Variants in SMARCC1 observed in about 807,000 individuals in gnomAD.
SMARCC1 encodes SWI/SNF related BAF chromatin remodeling complex subunit C1, also known as SWI/SNF complex subunit SMARCC1.
In SMARCC1, 43 loss-of-function variants were observed where a neutral mutation model predicts 147.4. The ratio of observed to expected loss-of-function variants is 0.29; its 90% CI spans 0.23 to 0.38. The LOEUF (loss-of-function observed/expected upper bound fraction) is 0.38. SMARCC1 is among the 10% of genes least tolerant of loss of function. The pLI is 1.00. For missense variants in SMARCC1, 1,119 were observed against 1,381.1 expected, an observed-to-expected ratio of 0.81 and a Z score of 3.01; for synonymous variants, 495 against 484.4, an observed-to-expected ratio of 1.02 and a Z score of -0.29.
intron 21 of SMARCC1, among the ~76,000 whole-genome samples, chr3:47,639,563 A>C (rs2033021734): frequency 2.0e-5 from 3 of 152,046 alleles, no homozygotes. Flanking sequence ...AATACAAAAA[A>C]ATTAGCCAGG....
At chr3:47,671,196 A>AAAAACAACAAC (rs753672169) in intron 18 of SMARCC1, among the ~76,000 whole-genome samples, 3 of 81,144 alleles carry the variant, frequency 3.7e-5, no homozygotes, top group African/African-American at 1.2e-4. Flanking sequence ...AAAAAAAAAA[A>AAAAACAACAAC]AACACACACA....
intron 9 of SMARCC1, among the ~76,000 whole-genome samples, chr3:47,708,083 C>CTTTTTTTCTTTTTTTTTTTTTT (rs1559650534): frequency 3.1e-5 from 2 of 64,272 alleles, no homozygotes; most frequent in African/African-American, 6.6e-5. Flanking sequence ...AATTTTTTTT[C>CTTTTTTTCTTTTTTTTTTTTTT]TTTTTTTTTT....
chr3:47,686,181 G>C lies in SMARCC1; in HGVS notation c.1264-11C>G. 1 of 1,607,354 alleles carries C rather than the reference G, an allele frequency of 6.2e-7. No homozygotes were observed. The highest frequency in any genetic ancestry group is 8.5e-7 in the Non-Finnish European group (1 of 1,175,478). On this transcript the variant is annotated splice_polypyrimidine_tract_variant and intron_variant, in intron 13 of 27. Coordinates refer to ENST00000254480, the MANE Select transcript of SMARCC1 (RefSeq NM_003074.4). ...AGGATCTTCATCTTCCTATAGAAAA[G>C]AAGACAAAGTTCAAAGAAAGAAAGA...
intron 21 of SMARCC1, among the ~76,000 whole-genome samples, chr3:47,652,186 G>A (rs1286326635): frequency 6.6e-6 from 1 of 152,050 alleles, no homozygotes; most frequent in Non-Finnish European, 1.5e-5. Flanking sequence ...ATGTTGACCA[G>A]GCTGGTCTCG....
At chr3:47,591,757 C>A (rs2032187131) in intron 26 of SMARCC1, among the ~76,000 whole-genome samples, 1 of 152,042 alleles carries the variant, frequency 6.6e-6, no homozygotes, top group African/African-American at 2.4e-5. Flanking sequence ...GTTGCCCAGG[C>A]TGGTCTTGAA....
At chr3:47,671,186 A>AAAAAAAAAAAAAAC (rs2033494333) in intron 18 of SMARCC1, among the ~76,000 whole-genome samples, 1 of 145,964 alleles carries the variant, frequency 6.9e-6, no homozygotes, top group African/African-American at 2.5e-5. Context: ...AAAAAAAAAA[A>AAAAAAAAAAAAAAC]AAAAAAAAAA....
At chr3:47,770,635 C>T (rs529217702) in intron 2 of SMARCC1, among the ~76,000 whole-genome samples, 1 of 151,998 alleles carries the variant, frequency 6.6e-6, no homozygotes. Flanking sequence ...AAAAAAAGAT[C>T]AGCCTAGGCA....
intron 12 of SMARCC1, among the ~76,000 whole-genome samples, chr3:47,692,781 G>A (rs376180677): frequency 1.1e-4 from 16 of 152,234 alleles, no homozygotes; most frequent in African/African-American, 3.9e-4. Flanking sequence ...CCAGCACTTT[G>A]GGAGGCCGAG....
intron 1 of SMARCC1, among the ~76,000 whole-genome samples, chr3:47,780,541 G>C (rs1020191494): frequency 1.3e-4 from 20 of 152,078 alleles, no homozygotes; most frequent in Admixed American, 2.6e-4. Context: ...AGGCTTCACT[G>C]AGCTGCTGAG....
chr3:47,770,114 G>A (rs1420687296), intron 2 of SMARCC1, among the ~76,000 whole-genome samples: 1 of 151,810 alleles, frequency 6.6e-6, no homozygotes, highest in Non-Finnish European at 1.5e-5. Context: ...TGTAGTCCCA[G>A]CTACTCGGGA....
chr3:47,596,566 C>CAA (rs576365725), intron 26 of SMARCC1, among the ~76,000 whole-genome samples: 22 of 122,760 alleles, frequency 1.8e-4, no homozygotes, highest in African/African-American at 6.1e-4. Context: ...GACTCCGTCT[C>CAA]AAAAAAAAAA....
intron 26 of SMARCC1, among the ~76,000 whole-genome samples, chr3:47,597,556 G>A (rs1474880840): frequency 1.3e-5 from 2 of 152,114 alleles, no homozygotes; most frequent in Admixed American, 1.3e-4. Flanking sequence ...TCGATTTCCT[G>A]ACCTCATGAT....
At chr3:47,651,984 T>C (rs2106722866) in intron 21 of SMARCC1, among the ~76,000 whole-genome samples, 1 of 152,284 alleles carries the variant, frequency 6.6e-6, no homozygotes, top group Admixed American at 6.5e-5. Flanking sequence ...GTAAGGTTTT[T>C]GGTTTTTATT....
intron 21 of SMARCC1, among the ~76,000 whole-genome samples, chr3:47,659,991 A>T (rs2033322430): frequency 6.6e-6 from 1 of 152,200 alleles, no homozygotes; most frequent in East Asian, 1.9e-4. Flanking sequence ...AGCCACTATG[A>T]AAAACAGGCT....
intron 24 of SMARCC1, among the ~76,000 whole-genome samples, chr3:47,625,461 C>T (rs2032795633): frequency 6.6e-6 from 1 of 152,108 alleles, no homozygotes; most frequent in Non-Finnish European, 1.5e-5. Context: ...TCTCAAACTC[C>T]TGAGCTCAAA....
intron 2 of SMARCC1, among the ~76,000 whole-genome samples, chr3:47,754,793 A>G (rs1156852451): frequency 6.6e-6 from 1 of 152,218 alleles, no homozygotes; most frequent in African/African-American, 2.4e-5. Context: ...CTGTAATGCC[A>G]GAACTTTGGG....
At position 47,781,870 on chromosome 3, in the gene SMARCC1, A is replaced by G; in HGVS notation, c.-73T>C. 1 of 1,045,312 alleles carries G rather than the reference A, an allele frequency of 9.6e-7. No individual in the cohort carries two copies. The highest frequency in any genetic ancestry group is 1.2e-6 in the Non-Finnish European group (1 of 818,086). 64.8% of individuals were successfully genotyped at this position (1,045,312 alleles called of 1,614,324 possible). A position where few individuals can be genotyped will look rare whatever the true frequency, so the allele number is the denominator to read the frequency against. ...GTGTTTCCCGGTCGTTCCCGCGCGC[A>G]CCCCCGCGCGCGTAGCCGCCACTGC... is the stretch of plus-strand genomic sequence containing the variant. On this transcript the variant is annotated 5_prime_UTR_variant, in exon 1 of 28. Coordinates refer to ENST00000254480, the MANE Select transcript of SMARCC1 (RefSeq NM_003074.4).
intron 25 of SMARCC1, 32 bp downstream of exon 25, chr3:47,622,175 G>A: frequency 6.3e-7 from 1 of 1,586,634 alleles, no homozygotes. Flanking sequence ...GTTTAATTGT[G>A]AAAAAGCCAC....
At chr3:47,714,577 A>G in intron 7 of SMARCC1, 87 bp from the exon 8 acceptor site, 1 of 718,746 alleles carries the variant, frequency 1.4e-6, no homozygotes, top group Admixed American at 2.6e-5. Context: ...AACATGTTTT[A>G]GAAATACTAC....
Sources: allele counts gnomAD v4.1 joint callset (sites outside exome capture counted in the v4.1 genomes callset), GRCh38; gene constraint gnomAD v4.1.1; transcripts MANE v1.5; gene names NCBI Gene and HGNC (gene_info 2026-07-23, HGNC 2026-07-21).